The following GDA variants were observed in gnomAD, a reference collection of about 807,000 sequenced individuals.
GDA encodes the protein cytoplasmic PSD-95 interactor.
Under a neutral mutation model 59.6 loss-of-function variants are expected in GDA, and 18 were observed. That is an observed-to-expected ratio of 0.30 (90% CI 0.21 to 0.45). The LOEUF (loss-of-function observed/expected upper bound fraction) is 0.45. GDA is among the 20% of genes least tolerant of loss of function. The pLI, the probability that GDA is intolerant of heterozygous loss-of-function variation, is 1.00. For synonymous variants in GDA, 201 were observed against 201.1 expected, an observed-to-expected ratio of 1.00 and a Z score of 0.00; for missense variants, 427 against 552.3, an observed-to-expected ratio of 0.77 and a Z score of 2.27.
intron 11 of GDA, among the ~76,000 whole-genome samples, chr9:72,242,537 T>C (rs1839731786): frequency 6.6e-6 from 1 of 151,166 alleles, no homozygotes; most frequent in Middle Eastern, 3.4e-3. Context: ...ATAGATACCC[T>C]GAGTCTTACA....
intron 1 of GDA, among the ~76,000 whole-genome samples, chr9:72,122,024 T>C (rs568424505): frequency 6.3e-4 from 96 of 152,270 alleles, no homozygotes; most frequent in African/African-American, 2.2e-3. Flanking sequence ...GTCTACCCCT[T>C]ATGTGTTGAG....
intron 5 of GDA, among the ~76,000 whole-genome samples, chr9:72,217,712 T>C (rs1006999836): frequency 1.3e-5 from 2 of 152,190 alleles, no homozygotes; most frequent in African/African-American, 2.4e-5. Flanking sequence ...TAAGTACATA[T>C]GGCCTGCTCA....
chr9:72,188,351 A>C (rs1832102408), intron 1 of GDA, among the ~76,000 whole-genome samples: 1 of 152,192 alleles, frequency 6.6e-6, no homozygotes, highest in Non-Finnish European at 1.5e-5. Flanking sequence ...AGCAACCTAC[A>C]CAGGCTCCCT....
intron 1 of GDA, among the ~76,000 whole-genome samples, chr9:72,151,620 T>G (rs527256936): frequency 1.3e-5 from 2 of 152,106 alleles, no homozygotes; most frequent in South Asian, 2.1e-4. Flanking sequence ...TTGTTTGTTT[T>G]TTTTTGAGAT....
intron 9 of GDA, 100 bp from the exon 10 acceptor site, chr9:72,231,014 G>A: frequency 1.3e-6 from 1 of 776,646 alleles, no homozygotes; most frequent in South Asian, 1.4e-5. Context: ...GATATATTGG[G>A]AAGCACAATT....
chr9:72,209,239 T>G (rs907602450), intron 3 of GDA, among the ~76,000 whole-genome samples: 1 of 152,058 alleles, frequency 6.6e-6, no homozygotes, highest in Non-Finnish European at 1.5e-5. Context: ...GAATATTATT[T>G]TTCATATTTT....
chr9:72,206,322 C>A (rs995527783), intron 3 of GDA, among the ~76,000 whole-genome samples: 1 of 152,024 alleles, frequency 6.6e-6, no homozygotes, highest in Non-Finnish European at 1.5e-5. Context: ...TTCATCCCTA[C>A]CTTTTTTGCT....
At chr9:72,138,626 G>A (rs1221996396) in intron 1 of GDA, among the ~76,000 whole-genome samples, 6 of 152,370 alleles carry the variant, frequency 3.9e-5, no homozygotes, top group South Asian at 4.1e-4. Flanking sequence ...CCCATGATGG[G>A]TCGATGGAGT....
At chr9:72,148,139 A>G (rs564721601), upstream of GDA, among the ~76,000 whole-genome samples, 1 of 152,018 alleles carries the variant, frequency 6.6e-6, no homozygotes, top group African/African-American at 2.4e-5. Context: ...CTGCAATGAA[A>G]CCCTCACCCT....
downstream of GDA, among the ~76,000 whole-genome samples, chr9:72,254,292 C>T (rs1367876204): frequency 6.6e-6 from 1 of 152,092 alleles, no homozygotes; most frequent in Admixed American, 6.6e-5. Context: ...AAAAATTGTT[C>T]ATGCGTCTAT....
chr9:72,154,907 C>G (rs74489724), intron 1 of GDA, among the ~76,000 whole-genome samples: 1 of 152,052 alleles, frequency 6.6e-6, no homozygotes, highest in Non-Finnish European at 1.5e-5. Context: ...GGGTTTTCAC[C>G]GGAGATAAAT....
At chr9:72,221,558 T>G (rs1041455977) in intron 6 of GDA, among the ~76,000 whole-genome samples, 2 of 152,226 alleles carry the variant, frequency 1.3e-5, no homozygotes, top group Non-Finnish European at 2.9e-5. Context: ...GTTTCCTTTT[T>G]TTGAAAAAAC....
chr9:72,237,167 G>A (rs1564170308), intron 10 of GDA, among the ~76,000 whole-genome samples: 1 of 151,608 alleles, frequency 6.6e-6, no homozygotes, highest in Non-Finnish European at 1.5e-5. Context: ...CAAAGAGTGG[G>A]GATCCACACT....
chr9:72,245,670 G>A (rs1227535583), intron 12 of GDA, among the ~76,000 whole-genome samples: 1 of 152,180 alleles, frequency 6.6e-6, no homozygotes, highest in Non-Finnish European at 1.5e-5. Flanking sequence ...TAGGGGCAGT[G>A]AGGCTTAAGG....
chr9:72,252,808 A>G (rs1400170274), downstream of GDA, among the ~76,000 whole-genome samples: 1 of 152,098 alleles, frequency 6.6e-6, no homozygotes, highest in African/African-American at 2.4e-5. Context: ...ATGTTACTTT[A>G]AGTGTCCATT....
chr9:72,164,912 A>C (rs970169709), intron 1 of GDA, among the ~76,000 whole-genome samples: 98 of 150,342 alleles, frequency 6.5e-4, no homozygotes, highest in Middle Eastern at 3.5e-3. Context: ...ATGGCGTGAA[A>C]CCGGGAGGCG....
At chr9:72,131,475 A>G (rs1826024038) in intron 1 of GDA, among the ~76,000 whole-genome samples, 1 of 151,686 alleles carries the variant, frequency 6.6e-6, no homozygotes, top group South Asian at 2.1e-4. Context: ...ATGAGCATCC[A>G]CCCCCACGAT....
In GDA at chr9:72,227,965, A is replaced by C; in HGVS notation, c.845A>C (p.Tyr282Ser). Reference protein sequence around the residue: ...TNKTVMAHGCYLSAEELNVFH... With the variant: ...TNKTVMAHGCSLSAEELNVFH... The stretch of plus-strand genomic sequence containing the variant: ...CAGACAGTGATGGCACACGGCTGCT[A>C]CCTCTCTGCAGAAGAACTGAACGTA... Residue 282 changes from tyrosine (Y) to serine (S), a missense_variant, in exon 9 of 14, where the codon TAC becomes TCC. Tyr to Ser is a moderately radical substitution (Grantham distance 144). Coordinates refer to ENST00000358399, the MANE Select transcript of GDA (RefSeq NM_004293.5). The C allele has an allele frequency of 6.2e-7, 1 of 1,605,650 alleles. No homozygotes were observed. Among genetic ancestry groups the C allele is most frequent in the Non-Finnish European group, 8.5e-7 (1 of 1,172,796 alleles).
chr9:72,138,429 G>A (rs1330201204), intron 1 of GDA, among the ~76,000 whole-genome samples: 1 of 152,182 alleles, frequency 6.6e-6, no homozygotes, highest in African/African-American at 2.4e-5. Context: ...GAAAATCACT[G>A]CCCCAGACCA....
Sources: gnomAD v4.1 joint callset for allele counts (sites outside exome capture counted in the v4.1 genomes callset) on GRCh38, gnomAD v4.1.1 for gene constraint, MANE v1.5 for transcripts, NCBI Gene and HGNC (gene_info 2026-07-23, HGNC 2026-07-21) for gene names.